TECPR2: variants seen among roughly 807,000 people sequenced by gnomAD.
TECPR2 encodes tectonin beta-propeller repeat-containing protein 2.
Under a neutral mutation model 138.1 loss-of-function variants are expected in TECPR2, and 65 were observed. The observed-to-expected ratio is 0.47, with a 90% CI of 0.39 to 0.58. The LOEUF (loss-of-function observed/expected upper bound fraction) is 0.58. Ranked by LOEUF, TECPR2 falls within the 20% of genes least tolerant of loss-of-function variation. The probability of loss-of-function intolerance (pLI) is 0.00; values close to 1 mark genes in which losing one functional copy is unlikely to be tolerated. For synonymous variants in TECPR2, 746 were observed against 749.8 expected (o/e 0.99, Z 0.08); for missense variants, 1,553 against 1,824.5 (o/e 0.85, Z 2.71).
In TECPR2 at chr14:102,419,181, T is replaced by C. The variant is rs561534926; in HGVS notation, c.638+4388T>C. Among the ~76,000 whole-genome samples, 90 of 151,706 alleles carry C rather than the reference T, an allele frequency of 5.9e-4. No individual in the cohort carries two copies. The highest frequency in any genetic ancestry group is 2.1e-3 in the African/African-American group (87 of 41,338). ...GGGGGGTCAGAGGAGTCGGAGGCCA[T>C]ATGGAGGGACATAGCAGCTGCTGCG... On this transcript the variant is annotated intron_variant, in intron 5 of 19. Coordinates refer to ENST00000359520, the MANE Select transcript of TECPR2 (RefSeq NM_014844.5). The surrounding 1 kb of genome is among the most constrained non-coding windows in gnomAD (Gnocchi z 4.8).
Position 102,500,066 on chromosome 14 carries a change from G to A in TECPR2, c.*1809G>A, listed in dbSNP as rs957927568. On this transcript the variant is annotated 3_prime_UTR_variant, in exon 20 of 20. Transcript: ENST00000359520. ...ATGGGACTGTAGTGCAATTAAACCC[G>A]CGTCTAGGTGATGCTTTTAAAGTTG... 3 of 152,696 alleles carry A rather than the reference G, an allele frequency of 2.0e-5. No homozygotes were observed. Among genetic ancestry groups the A allele is most frequent in the African/African-American group, 4.8e-5 (2 of 41,458 alleles). 9.5% of individuals were successfully genotyped at this position (152,696 alleles called of 1,614,324 possible). A position where few individuals can be genotyped will look rare whatever the true frequency, so the allele number is the denominator to read the frequency against.
At chr14:102,490,602 G>A (rs914089849) in intron 17 of TECPR2, among the ~76,000 whole-genome samples, 2 of 152,188 alleles carry the variant, frequency 1.3e-5, no homozygotes, top group African/African-American at 2.4e-5. Context: ...GCGACCACCC[G>A]GGGTGCTGAG....
chr14:102,375,668 G>A (rs894354361), intron 1 of TECPR2, among the ~76,000 whole-genome samples: 9 of 152,326 alleles, frequency 5.9e-5, no homozygotes, highest in Admixed American at 3.3e-4. Context: ...GAGCTTGGAA[G>A]TCTCCATAGA....
chr14:102,403,234 T>C (rs1595104232), intron 2 of TECPR2, among the ~76,000 whole-genome samples: 1 of 152,178 alleles, frequency 6.6e-6, no homozygotes, highest in East Asian at 1.9e-4. Context: ...GTTCAACATA[T>C]GAAAGTCAGT....
chr14:102,479,878 C>T (rs1159435436), intron 17 of TECPR2, among the ~76,000 whole-genome samples: 4 of 152,240 alleles, frequency 2.6e-5, no homozygotes, highest in African/African-American at 7.2e-5. Context: ...GGGCAGATGG[C>T]ATGTGGCCAT....
chr14:102,392,531 G>T (rs1056509542), intron 2 of TECPR2, among the ~76,000 whole-genome samples: 3 of 151,792 alleles, frequency 2.0e-5, no homozygotes, highest in Non-Finnish European at 4.4e-5. Flanking sequence ...GTTGTTCTTT[G>T]CTTACATTTC....
chr14:102,363,738 C>T (rs1887261846), intron 1 of TECPR2, among the ~76,000 whole-genome samples: 1 of 152,234 alleles, frequency 6.6e-6, no homozygotes, highest in African/African-American at 2.4e-5. Flanking sequence ...AGTGCCCTAC[C>T]TCACTCCGCT....
intron 10 of TECPR2, among the ~76,000 whole-genome samples, chr14:102,440,231 G>A (rs111651050): frequency 3.9e-5 from 6 of 152,282 alleles, no homozygotes; most frequent in African/African-American, 1.2e-4. Flanking sequence ...GGAGACGGGC[G>A]GTGACATGGA....
At chr14:102,412,123 C>CTT (rs751930335) in intron 4 of TECPR2, among the ~76,000 whole-genome samples, 1,333 of 90,586 alleles carry the variant, frequency 0.015, 9 homozygotes, top group East Asian at 0.022. Flanking sequence ...AATGTTGACA[C>CTT]TTTTTTTTTT....
At chr14:102,431,210 A>AAAATAAAT (rs35012872) in intron 7 of TECPR2, among the ~76,000 whole-genome samples, 3 of 150,834 alleles carry the variant, frequency 2.0e-5, no homozygotes, top group Non-Finnish European at 4.4e-5. Flanking sequence ...CTCCGTCTCA[A>AAAATAAAT]AAATAAATAA....
intron 13 of TECPR2, among the ~76,000 whole-genome samples, chr14:102,446,450 T>C (rs1229036076): frequency 6.6e-6 from 1 of 152,042 alleles, no homozygotes; most frequent in Non-Finnish European, 1.5e-5. Context: ...AATACAAAAA[T>C]TAGTTGGACA....
At chr14:102,414,333 T>C (rs777727649) in intron 4 of TECPR2, among the ~76,000 whole-genome samples, 2 of 152,266 alleles carry the variant, frequency 1.3e-5, no homozygotes, top group Admixed American at 6.5e-5. Flanking sequence ...CTGAGCCTGC[T>C]ATGGTGCACA....
At chr14:102,445,502 G>T (rs1340144684) in intron 12 of TECPR2, among the ~76,000 whole-genome samples, 1 of 151,968 alleles carries the variant, frequency 6.6e-6, no homozygotes, top group East Asian at 1.9e-4. Flanking sequence ...AGGCGCTCAG[G>T]GGCCTTGGAT....
chr14:102,429,528 C>T (rs1395833338), intron 7 of TECPR2, among the ~76,000 whole-genome samples: 1 of 152,170 alleles, frequency 6.6e-6, no homozygotes, highest in Non-Finnish European at 1.5e-5. Context: ...TATGTGTCCT[C>T]TTGCGGACAT....
At chr14:102,483,131 G>A (rs1483652565) in intron 17 of TECPR2, among the ~76,000 whole-genome samples, 3 of 151,976 alleles carry the variant, frequency 2.0e-5, no homozygotes, top group Admixed American at 1.3e-4. Context: ...AATTACAGGC[G>A]TGAGCCACCT....
intron 17 of TECPR2, among the ~76,000 whole-genome samples, chr14:102,470,696 A>G (rs1890637125): frequency 6.8e-6 from 1 of 148,088 alleles, no homozygotes; most frequent in Non-Finnish European, 1.5e-5. Flanking sequence ...CTGGAGGGCA[A>G]TGGCACAATC....
chr14:102,381,528 C>T (rs372440126), intron 2 of TECPR2, among the ~76,000 whole-genome samples: 2 of 152,132 alleles, frequency 1.3e-5, no homozygotes, highest in Admixed American at 1.3e-4. Flanking sequence ...AAGCTAAGAT[C>T]GTGCCAGTGC....
At chr14:102,374,490 A>G (rs549644334) in intron 1 of TECPR2, among the ~76,000 whole-genome samples, 1 of 152,248 alleles carries the variant, frequency 6.6e-6, no homozygotes, top group East Asian at 1.9e-4. Context: ...GGCTGAGTGC[A>G]GTGGCTCATA....
intron 2 of TECPR2, among the ~76,000 whole-genome samples, chr14:102,382,289 G>A (rs1414094679): frequency 2.0e-5 from 3 of 149,938 alleles, no homozygotes; most frequent in Admixed American, 2.0e-4. Context: ...GTGAAACTCC[G>A]TCCCAAAAAA....
Sources: gnomAD v4.1 joint callset for allele counts (sites outside exome capture counted in the v4.1 genomes callset) on GRCh38, gnomAD v4.1.1 for gene constraint, Gnocchi (gnomAD v3.1) non-coding constraint, MANE v1.5 for transcripts, NCBI Gene and HGNC (gene_info 2026-07-23, HGNC 2026-07-21) for gene names.